NEGR1: variants seen among roughly 807,000 people sequenced by gnomAD.
NEGR1 encodes neuronal growth regulator 1, also known as IgLON family member 4.
NEGR1 carries 10 observed loss-of-function variants against 40.9 expected under a neutral mutation model. The observed-to-expected ratio is 0.24, with a 90% CI of 0.15 to 0.42. NEGR1 has a LOEUF of 0.42. Ranked by LOEUF, NEGR1 falls within the 10% of genes least tolerant of loss-of-function variation. NEGR1 has a pLI of 1.00. For missense variants in NEGR1, 352 were observed against 438.9 expected, an observed-to-expected ratio of 0.80 and a Z score of 1.77; for synonymous variants, 185 against 166.8, an observed-to-expected ratio of 1.11 and a Z score of -0.84.
chr1:71,442,746 C>G (rs1218193477), intron 6 of NEGR1, among the ~76,000 whole-genome samples: 1 of 152,156 alleles, frequency 6.6e-6, no homozygotes, highest in Non-Finnish European at 1.5e-5. Flanking sequence ...AAGCTTAAGA[C>G]AAACAGGTGA....
intron 3 of NEGR1, among the ~76,000 whole-genome samples, chr1:71,721,741 C>T (rs1360587977): frequency 3.3e-5 from 5 of 152,028 alleles, no homozygotes; most frequent in African/African-American, 9.7e-5. Context: ...ACATTGCCCC[C>T]GATGGAGAAA....
At chr1:71,906,511 T>C (rs1024662888) in intron 2 of NEGR1, among the ~76,000 whole-genome samples, 4 of 151,822 alleles carry the variant, frequency 2.6e-5, no homozygotes, top group Non-Finnish European at 5.9e-5. Context: ...CTGAATCTCC[T>C]TCTGGTCCCC....
At chr1:72,206,308 T>C (rs1176407345) in intron 1 of NEGR1, among the ~76,000 whole-genome samples, 5 of 152,190 alleles carry the variant, frequency 3.3e-5, no homozygotes, top group African/African-American at 9.6e-5. Flanking sequence ...TGTGGCTTAC[T>C]GTGAGAAGAA....
At chr1:72,148,235 T>C (rs958299829) in intron 1 of NEGR1, among the ~76,000 whole-genome samples, 6 of 152,146 alleles carry the variant, frequency 3.9e-5, no homozygotes, top group African/African-American at 1.2e-4. Flanking sequence ...CTTTGAAATC[T>C]AGACGGAGGT....
At position 71,935,225 on chromosome 1, in the gene NEGR1, T is replaced by C; in HGVS notation, c.263A>G (p.Asp88Gly). 1 of 1,613,946 alleles carries C rather than the reference T, an allele frequency of 6.2e-7. No individual in the cohort carries two copies. Among genetic ancestry groups the C allele is most frequent in the Non-Finnish European group, 8.5e-7 (1 of 1,179,880 alleles). Residue 88 changes from aspartate (D) to glycine (G), a missense_variant, in exon 2 of 7, where the codon GAT (aspartate) becomes GGT (glycine). By Grantham distance (94) the Asp-to-Gly change is moderately conservative (BLOSUM62 -1). This residue lies in a region of NEGR1 where 30 missense variants were observed against 64.4 expected (regional missense o/e 0.47). Coordinates refer to ENST00000357731, the MANE Select transcript of NEGR1 (RefSeq NM_173808.3). ...IFAGGDKWSVDPRVSISTLNK... is the reference protein window; with the variant it reads ...IFAGGDKWSVGPRVSISTLNK... ...CAATGTTGAAATTGAAACTCGAGGA[T>C]CCACTGACCACTTATCACCTCCCGC...
chr1:72,101,869 G>T (rs1233465530), intron 1 of NEGR1, among the ~76,000 whole-genome samples: 1 of 152,024 alleles, frequency 6.6e-6, no homozygotes, highest in Admixed American at 6.6e-5. Context: ...TTTTATAGCA[G>T]GTTTTCATTC....
At chr1:71,673,172 G>A (rs995205520) in intron 4 of NEGR1, among the ~76,000 whole-genome samples, 9 of 152,060 alleles carry the variant, frequency 5.9e-5, no homozygotes, top group African/African-American at 2.2e-4. Flanking sequence ...CCAGGAGGCA[G>A]AGCTTGCAGT....
intron 3 of NEGR1, among the ~76,000 whole-genome samples, chr1:71,747,535 C>T (rs1195255623): frequency 2.6e-5 from 4 of 151,952 alleles, no homozygotes; most frequent in Admixed American, 6.6e-5. Flanking sequence ...AGCGATTCTC[C>T]TGCCTCAGCC....
At chr1:71,576,768 G>T (rs1326405513) in intron 6 of NEGR1, among the ~76,000 whole-genome samples, 1 of 152,210 alleles carries the variant, frequency 6.6e-6, no homozygotes, top group Non-Finnish European at 1.5e-5. Context: ...CAGATTTGGA[G>T]AAGTATTTAT....
At chr1:71,881,591 G>A (rs765287277) in intron 2 of NEGR1, among the ~76,000 whole-genome samples, 10 of 152,034 alleles carry the variant, frequency 6.6e-5, no homozygotes, top group Non-Finnish European at 1.0e-4. Flanking sequence ...ATTCTGCAAG[G>A]TACATTTGCT....
intron 2 of NEGR1, chr1:71,837,138 A>T (rs1659064563): frequency 6.6e-6 from 1 of 152,114 alleles, no homozygotes; most frequent in African/African-American, 2.4e-5. Context: ...TAACTCCATG[A>T]TTAGCAATTC....
intron 1 of NEGR1, among the ~76,000 whole-genome samples, chr1:72,231,713 T>C (rs1409027461): frequency 6.6e-6 from 1 of 152,132 alleles, no homozygotes; most frequent in Non-Finnish European, 1.5e-5. Flanking sequence ...GCAAATAACT[T>C]GAAAACAGGA....
At chr1:71,769,444 T>G (rs1656241393) in intron 3 of NEGR1, among the ~76,000 whole-genome samples, 1 of 152,166 alleles carries the variant, frequency 6.6e-6, no homozygotes, top group Non-Finnish European at 1.5e-5. Context: ...TCAAATCTCA[T>G]CATAAACTAT....
intron 6 of NEGR1, among the ~76,000 whole-genome samples, chr1:71,538,633 G>T (rs777365835): frequency 6.6e-6 from 1 of 151,622 alleles, no homozygotes; most frequent in Non-Finnish European, 1.5e-5. Context: ...GGCAAAGAAG[G>T]TTACCCTTAC....
At chr1:71,777,652 C>T (rs1459800) in intron 2 of NEGR1, among the ~76,000 whole-genome samples, 128,892 of 152,030 alleles carry the variant, frequency 0.85, 55,864 homozygotes, top group East Asian at 1. Context: ...ATGCAAGAGA[C>T]ATGTTTTCAC....
intron 1 of NEGR1, among the ~76,000 whole-genome samples, chr1:71,947,150 G>A (rs1472620091): frequency 1.4e-5 from 2 of 143,744 alleles, no homozygotes; most frequent in East Asian, 4.0e-4. Context: ...ATATATATAT[G>A]GATAACTTTA....
intron 1 of NEGR1, among the ~76,000 whole-genome samples, chr1:71,986,109 C>A (rs1646391807): frequency 6.6e-6 from 1 of 152,176 alleles, no homozygotes; most frequent in Non-Finnish European, 1.5e-5. Context: ...TCTGGAAAGA[C>A]ATAGCTAATT....
chr1:72,135,422 C>CAAAAAAAAAAAAAAAAAAAAAAAA (rs71074820), intron 1 of NEGR1, among the ~76,000 whole-genome samples: 1 of 102,266 alleles, frequency 9.8e-6, no homozygotes, highest in Non-Finnish European at 1.9e-5. Context: ...AAAACAAAAC[C>CAAAAAAAAAAAAAAAAAAAAAAAA]AAAAAAAAAA....
chr1:72,143,715 G>A (rs1401440850), intron 1 of NEGR1, among the ~76,000 whole-genome samples: 2 of 149,990 alleles, frequency 1.3e-5, no homozygotes, highest in African/African-American at 4.9e-5. Flanking sequence ...TCAATAGTGA[G>A]TATAATTTAA....
Sources: allele counts gnomAD v4.1 joint callset (sites outside exome capture counted in the v4.1 genomes callset), GRCh38; gene constraint gnomAD v4.1.1; regional missense constraint gnomAD v4.1.1; transcripts MANE v1.5; gene names NCBI Gene and HGNC (gene_info 2026-07-23, HGNC 2026-07-21).